The following FAM120B variants were observed in gnomAD, a reference collection of about 807,000 sequenced individuals.
FAM120B encodes the protein constitutive coactivator of peroxisome proliferator-activated receptor gamma.
FAM120B carries 83 observed loss-of-function variants against 96.3 expected under a neutral mutation model. The ratio of observed to expected loss-of-function variants is 0.86; its 90% CI spans 0.72 to 1.03. The LOEUF (loss-of-function observed/expected upper bound fraction) is 1.03, where lower values mean the gene tolerates loss of function less well. Among genes scored for constraint, FAM120B ranks in the 50% least tolerant of loss-of-function variants. FAM120B has a pLI of 0.00. For missense variants in FAM120B, 1,027 were observed against 1,121.2 expected (o/e 0.92, Z 1.20); for synonymous variants, 407 against 402.7 (o/e 1.01, Z -0.13).
intron 9 of FAM120B, among the ~76,000 whole-genome samples, chr6:170,401,400 G>A (rs1175477095): frequency 6.6e-6 from 1 of 152,144 alleles, no homozygotes; most frequent in Non-Finnish European, 1.5e-5. Flanking sequence ...GACATGGGGG[G>A]CTGGCAGGAG....
In FAM120B at chr6:170,336,369, GTT is replaced by G. The variant is rs2115090365; in HGVS notation, c.2017+5820_2017+5821del. On this transcript the variant is annotated intron_variant, in intron 4 of 10. Coordinates refer to ENST00000476287, the MANE Select transcript of FAM120B (RefSeq NM_032448.3). ...GATCAGATGGTTGTAGATGTGTGGT[GTT>G]ATTTCTGAGGCCTTTGGTCTATATA... Among the ~76,000 whole-genome samples the G allele has an allele frequency of 1.3e-5, 2 of 151,980 alleles. 1 individual carries two copies. The highest frequency in any genetic ancestry group is 2.9e-5 in the Non-Finnish European group (2 of 67,900).
Position 170,405,284 on chromosome 6 carries a change from A to G in FAM120B, c.*533A>G, listed in dbSNP as rs944396332. On this transcript the variant is annotated 3_prime_UTR_variant, in exon 11 of 11. Transcript: ENST00000476287. ...CGTACATACCATGATAAAGCTTAAC[A>G]AAGAACAGTGAGAGATTAACAGCAA... 6.6e-6 allele frequency: 1 copy of G among 152,268 alleles called. No homozygotes were observed. Among genetic ancestry groups the G allele is most frequent in the East Asian group, 1.9e-4 (1 of 5,196 alleles). 9.4% of individuals were successfully genotyped at this position (152,268 alleles called of 1,614,324 possible). A position where few individuals can be genotyped will look rare whatever the true frequency, so the allele number is the denominator to read the frequency against.
At chr6:170,352,810 T>G (rs1161300669) in intron 5 of FAM120B, among the ~76,000 whole-genome samples, 1 of 152,026 alleles carries the variant, frequency 6.6e-6, no homozygotes, top group Non-Finnish European at 1.5e-5. Context: ...CAACCTGACA[T>G]CTCTACTAAA....
chr6:170,361,184 ATATATATATACGTG>A (rs1432936191), intron 6 of FAM120B, among the ~76,000 whole-genome samples: 9 of 117,190 alleles, frequency 7.7e-5, no homozygotes, highest in East Asian at 3.1e-4. Context: ...CCTTAAAACT[ATATATATATACGTG>A]TATATATATA....
At position 170,359,122 on chromosome 6, in the gene FAM120B, C is replaced by T. The variant is rs181531731; in HGVS notation, c.2283+804C>T. On this transcript the variant is annotated intron_variant, in intron 6 of 10. Transcript: ENST00000476287. ...TTTACTCAAACCTCACAACTTAGGC[C>T]GGGTGCAGTGGCTCACGCCTGTCAT... is the stretch of plus-strand genomic sequence containing the variant. Among the ~76,000 whole-genome samples, 179 of 152,166 alleles carry T rather than the reference C, an allele frequency of 1.2e-3. 2 individuals are homozygous for T. The East Asian group carries it at 0.024, about 20-fold the overall frequency.
At chr6:170,327,737 G>A (rs1453819429) in intron 3 of FAM120B, among the ~76,000 whole-genome samples, 3 of 146,052 alleles carry the variant, frequency 2.1e-5, no homozygotes, top group Non-Finnish European at 4.5e-5. Flanking sequence ...AGGCTGCTCC[G>A]GTGAGTCCAT....
chr6:170,387,158 A>G (rs930770462), intron 6 of FAM120B, among the ~76,000 whole-genome samples: 3 of 152,190 alleles, frequency 2.0e-5, no homozygotes, highest in Non-Finnish European at 2.9e-5. Flanking sequence ...ATAATTTTGT[A>G]GAATAAAAAG....
chr6:170,405,090 T>A lies in FAM120B; in HGVS notation c.*339T>A, dbSNP rs1027908579. ...GGGAATCTGTTGTATTCTGATTTTTTATTAGCAACACTAGATTATGAGGGG... is the reference window on the plus strand; with the variant it reads ...GGGAATCTGTTGTATTCTGATTTTTAATTAGCAACACTAGATTATGAGGGG... On this transcript the variant is annotated 3_prime_UTR_variant, in exon 11 of 11. Transcript: ENST00000476287. The A allele has an allele frequency of 6.4e-6, 1 of 157,334 alleles. No individual in the cohort carries two copies. Among genetic ancestry groups the A allele is most frequent in the Non-Finnish European group, 1.4e-5 (1 of 71,440 alleles). 9.7% of individuals were successfully genotyped at this position (157,334 alleles called of 1,614,324 possible). A position where few individuals can be genotyped will look rare whatever the true frequency, so the allele number is the denominator to read the frequency against.
In FAM120B at chr6:170,388,301, C is replaced by A. The variant is rs1019376154; in HGVS notation, c.2298C>A (p.Asn766Lys). ...QLVNLQPDYI[N>K]PRAVQLGSLL... ...GGTCTCCACAGCCTGATTACATCAA[C>A]CCCAGAGCCGTGCAGCTGGGCTCCC... The change falls in exon 7 of 11, where the codon AAC (asparagine) becomes AAA (lysine). Residue 766 changes from asparagine (N) to lysine (K), a missense_variant. Physicochemically the swap from Asn to Lys is moderately conservative, Grantham distance 94. Around this residue, in one of 3 missense-constraint regions of FAM120B, gnomAD observed 880 missense variants for 980.9 expected, o/e 0.90. Transcript: ENST00000476287. The A allele has an allele frequency of 2.5e-6, 4 of 1,613,672 alleles. No individual in the cohort carries two copies. The highest frequency in any genetic ancestry group is 3.4e-6 in the Non-Finnish European group (4 of 1,180,014).
intron 6 of FAM120B, 27 bp downstream of exon 6, chr6:170,358,345 C>T: frequency 6.6e-7 from 1 of 1,510,766 alleles, no homozygotes; most frequent in Non-Finnish European, 9.1e-7. Context: ...TTAGTTGTCA[C>T]TGCCCGGAAG....
chr6:170,386,622 C>T (rs1790199240), intron 6 of FAM120B, among the ~76,000 whole-genome samples: 1 of 152,186 alleles, frequency 6.6e-6, no homozygotes. Flanking sequence ...ACTCTGCCCA[C>T]AAGGAAACCT....
chr6:170,368,360 T>G (rs1437094374), intron 6 of FAM120B, among the ~76,000 whole-genome samples: 4 of 151,894 alleles, frequency 2.6e-5, no homozygotes, highest in African/African-American at 9.7e-5. Context: ...CAAAAGCAGA[T>G]TTAGAAACCT....
intron 1 of FAM120B, among the ~76,000 whole-genome samples, chr6:170,308,823 G>T (rs1784435090): frequency 6.6e-6 from 1 of 151,910 alleles, no homozygotes; most frequent in African/African-American, 2.4e-5. Context: ...TTTTTATTTA[G>T]GCCTGGAGAA....
At chr6:170,321,937 T>C (rs1250547996) in intron 2 of FAM120B, among the ~76,000 whole-genome samples, 1 of 152,262 alleles carries the variant, frequency 6.6e-6, no homozygotes, top group East Asian at 1.9e-4. Context: ...GTTTTTGGTA[T>C]CCAGGTTATT....
intron 8 of FAM120B, 126 bp downstream of exon 8, chr6:170,391,247 T>C: frequency 1.4e-6 from 1 of 735,060 alleles, no homozygotes; most frequent in Non-Finnish European, 2.4e-6. Context: ...AGAATTTAAA[T>C]GATAGGGCCG....
In FAM120B at chr6:170,388,466, T is replaced by C. The variant is rs776184514; in HGVS notation, c.2463T>C (p.Tyr821=). The change falls in exon 7 of 11, where the codon TAT becomes TAC. Residue 821 remains tyrosine, a synonymous_variant. Transcript: ENST00000476287. ...HQKYLQSEKG[Y]AVEVLLEQNR... is the part of the protein sequence containing the mutation. ...AGTACTTGCAATCTGAAAAGGGTTA[T>C]GCTGTGGAGGTTCTTTTAGAACAAA... 5 of 1,614,092 alleles carry C rather than the reference T, an allele frequency of 3.1e-6. No individual in the cohort carries two copies. The African/African-American group carries it at 4.0e-5, about 13-fold the overall frequency.
intron 4 of FAM120B, among the ~76,000 whole-genome samples, chr6:170,346,200 T>G (rs1787173562): frequency 6.6e-6 from 1 of 151,772 alleles, no homozygotes; most frequent in Non-Finnish European, 1.5e-5. Flanking sequence ...TTTTTTTTTG[T>G]ATTAAATTTT....
At chr6:170,299,042 G>C (rs1252324104) in intron 1 of FAM120B, among the ~76,000 whole-genome samples, 3 of 152,214 alleles carry the variant, frequency 2.0e-5, no homozygotes, top group African/African-American at 4.8e-5. Context: ...CTGCCACCAG[G>C]TGAATTATAA....
chr6:170,397,349 C>A (rs1228540124), intron 9 of FAM120B, among the ~76,000 whole-genome samples: 1 of 152,136 alleles, frequency 6.6e-6, no homozygotes, highest in African/African-American at 2.4e-5. Context: ...AATCTGAGAT[C>A]TCCTTGACAA....
Sources: gnomAD v4.1 joint callset for allele counts (sites outside exome capture counted in the v4.1 genomes callset) on GRCh38, gnomAD v4.1.1 for gene constraint, gnomAD v4.1.1 regional missense constraint, MANE v1.5 for transcripts, NCBI Gene and HGNC (gene_info 2026-07-23, HGNC 2026-07-21) for gene names.